TNFRSF10A: variants seen among roughly 807,000 people sequenced by gnomAD.
TNFRSF10A encodes the protein tumor necrosis factor receptor superfamily member 10A.
In TNFRSF10A, 44 loss-of-function variants were observed where a neutral mutation model predicts 42.8. The ratio of observed to expected loss-of-function variants is 1.03; its 90% CI spans 0.81 to 1.32. The LOEUF is 1.32. Ranked by LOEUF, TNFRSF10A falls within the 40% of genes most tolerant of loss-of-function variation. The pLI, the probability that TNFRSF10A is intolerant of heterozygous loss-of-function variation, is 0.00. For synonymous variants in TNFRSF10A, 259 were observed against 234.2 expected (o/e 1.11, Z -0.97); for missense variants, 680 against 602.0 (o/e 1.13, Z -1.36).
intron 1 of TNFRSF10A, among the ~76,000 whole-genome samples, chr8:23,219,172 G>A (rs1190645547): frequency 2.0e-5 from 3 of 152,024 alleles, no homozygotes; most frequent in African/African-American, 7.3e-5. Flanking sequence ...CCAGACTGTG[G>A]GCTTCAGGGA....
chr8:23,212,643 T>C (rs1302706050), intron 1 of TNFRSF10A, among the ~76,000 whole-genome samples: 1 of 152,264 alleles, frequency 6.6e-6, no homozygotes, highest in African/African-American at 2.4e-5. Context: ...TTTTAGCTAT[T>C]GTGAATAAAG....
At chr8:23,214,776 G>A (rs1160587672) in intron 1 of TNFRSF10A, among the ~76,000 whole-genome samples, 1 of 152,142 alleles carries the variant, frequency 6.6e-6, no homozygotes, top group Non-Finnish European at 1.5e-5. Flanking sequence ...TAGGTGATGT[G>A]TAAATTTTTT....
chr8:23,222,142 G>A (rs1801265542), intron 1 of TNFRSF10A, among the ~76,000 whole-genome samples: 1 of 152,164 alleles, frequency 6.6e-6, no homozygotes, highest in African/African-American at 2.4e-5. Context: ...CTCCCAAAGT[G>A]CTGGGATTAC....
chr8:23,212,054 T>C (rs1044783884), intron 2 of TNFRSF10A, 62 bp downstream of exon 2: 18 of 1,388,094 alleles, frequency 1.3e-5, no homozygotes, highest in Non-Finnish European at 1.7e-5. Flanking sequence ...ATAATTTTTG[T>C]ATATAGTATA....
rs912870271 is a variant in TNFRSF10A, at chr8:23,190,984, A to G, written c.*710T>C. 1 of 152,144 alleles carries G rather than the reference A, an allele frequency of 6.6e-6. No homozygotes were observed. Among genetic ancestry groups the G allele is most frequent in the African/African-American group, 2.4e-5 (1 of 41,382 alleles). The allele number at this position is 152,144 out of a possible 1,614,324, so 9.4% of individuals were successfully genotyped here. On this transcript the variant is annotated 3_prime_UTR_variant, in exon 10 of 10. Transcript: ENST00000221132. Reference sequence around the variant, plus strand: ...GAGTGTCCCAGCTCCAGGAGATCAGATGGATTTGCTTTTCCTTTTTTTTTT... The same window carrying G: ...GAGTGTCCCAGCTCCAGGAGATCAGGTGGATTTGCTTTTCCTTTTTTTTTT...
chr8:23,216,358 A>G (rs1801180524), intron 1 of TNFRSF10A, among the ~76,000 whole-genome samples: 1 of 152,188 alleles, frequency 6.6e-6, no homozygotes, highest in African/African-American at 2.4e-5. Context: ...GATATACTTT[A>G]TATATGATGT....
At chr8:23,210,581 C>T (rs764839353) in intron 2 of TNFRSF10A, among the ~76,000 whole-genome samples, 1 of 152,130 alleles carries the variant, frequency 6.6e-6, no homozygotes, top group Non-Finnish European at 1.5e-5. Flanking sequence ...ACTTGGAAGG[C>T]TGAGGCAGGA....
chr8:23,212,717 AC>A (rs1801108239), intron 1 of TNFRSF10A, among the ~76,000 whole-genome samples: 1 of 152,192 alleles, frequency 6.6e-6, no homozygotes, highest in Non-Finnish European at 1.5e-5. Flanking sequence ...TTGGATATAT[AC>A]CCCAAGGTAA....
At chr8:23,197,694 A>G (rs1800845105) in intron 8 of TNFRSF10A, among the ~76,000 whole-genome samples, 1 of 152,170 alleles carries the variant, frequency 6.6e-6, no homozygotes, top group South Asian at 2.1e-4. Flanking sequence ...TCCCCAAACC[A>G]TCTTCACCTC....
At chr8:23,201,756 T>C in intron 4 of TNFRSF10A, 52 bp downstream of exon 4, 1 of 1,559,778 alleles carries the variant, frequency 6.4e-7, no homozygotes, top group Non-Finnish European at 8.8e-7. Flanking sequence ...TAGGGTTCCT[T>C]GCTTCTGTGG....
chr8:23,213,238 TCCC>T (rs1392019268), intron 1 of TNFRSF10A, among the ~76,000 whole-genome samples: 2 of 152,024 alleles, frequency 1.3e-5, no homozygotes, highest in African/African-American at 2.4e-5. Flanking sequence ...GTTTTAAATG[TCCC>T]CTCTTTCATT....
rs191806749 is a variant in TNFRSF10A at position 23,221,938 on chromosome 8, G to A, written c.306+2818C>T. ...GTCGCCCAGGCTGGAGTGCAGTGGC[G>A]AGATCTCGGCTCACTGCAAGCTCTG... On this transcript the variant is annotated intron_variant, in intron 1 of 9. Coordinates refer to ENST00000221132, the MANE Select transcript of TNFRSF10A (RefSeq NM_003844.4). Among the ~76,000 whole-genome samples, 121 of 151,870 alleles carry A rather than the reference G, an allele frequency of 8.0e-4. No individual in the cohort carries two copies. In the East Asian group the frequency reaches 0.012, roughly 15 times the overall value.
At chr8:23,215,818 C>CTTTT (rs752874036) in intron 1 of TNFRSF10A, among the ~76,000 whole-genome samples, 1 of 142,726 alleles carries the variant, frequency 7.0e-6, no homozygotes, top group Admixed American at 7.0e-5. Context: ...TGGTTTATTA[C>CTTTT]TTTTTTTTTT....
In TNFRSF10A at chr8:23,199,288, G is replaced by A. The variant is rs1204795744; in HGVS notation, c.992C>T (p.Pro331Leu). 1 of 1,613,910 alleles carries A rather than the reference G, an allele frequency of 6.2e-7. No homozygotes were observed. The highest frequency in any genetic ancestry group is 8.5e-7 in the Non-Finnish European group (1 of 1,179,954). ...ADLTGVTVQS[P>L]GEAQCLLGPA... is the part of the protein sequence containing the mutation. ...CACCAGCAGACACTGTGCCTCCCCT[G>A]GGGACTGTACAGTGACACCTGTCAA... The change falls in exon 8 of 10, where the codon CCA (proline) becomes CTA (leucine). Residue 331 changes from proline (P) to leucine (L), a missense_variant. Transcript: ENST00000221132.
intron 1 of TNFRSF10A, among the ~76,000 whole-genome samples, chr8:23,215,401 C>T (rs184184905): frequency 0.017 from 2,629 of 151,970 alleles, 56 homozygotes; most frequent in African/African-American, 0.056. Context: ...CCAGCTACTC[C>T]AGAGGCTGAG....
chr8:23,200,382 G>A (rs1212862943), intron 6 of TNFRSF10A, 123 bp downstream of exon 6: 17 of 1,065,366 alleles, frequency 1.6e-5, no homozygotes, highest in Non-Finnish European at 2.4e-5. Flanking sequence ...TGATCACAAG[G>A]AGGAAGATAG....
intron 2 of TNFRSF10A, among the ~76,000 whole-genome samples, chr8:23,208,697 C>CATGTATATGTTTT (rs1168905873): frequency 2.0e-5 from 3 of 152,166 alleles, no homozygotes; most frequent in Non-Finnish European, 4.4e-5. Flanking sequence ...ACCTCATGAT[C>CATGTATATGTTTT]CACCTGCCTT....
At chr8:23,211,088 T>C (rs1390450402) in intron 2 of TNFRSF10A, among the ~76,000 whole-genome samples, 2 of 152,142 alleles carry the variant, frequency 1.3e-5, no homozygotes, top group Non-Finnish European at 2.9e-5. Flanking sequence ...ATAAAAAGCA[T>C]CCAGATTGGA....
intron 8 of TNFRSF10A, 77 bp downstream of exon 8, chr8:23,199,189 C>T (rs940098520): frequency 2.9e-5 from 45 of 1,540,306 alleles, no homozygotes; most frequent in Admixed American, 3.5e-5. Context: ...GCTCCACTTC[C>T]CCTTTGACCA....
Sources: gnomAD v4.1 joint callset for allele counts (sites outside exome capture counted in the v4.1 genomes callset) on GRCh38, gnomAD v4.1.1 for gene constraint, MANE v1.5 for transcripts, NCBI Gene and HGNC (gene_info 2026-07-23, HGNC 2026-07-21) for gene names.